FGF13: variants seen among roughly 807,000 people sequenced by gnomAD.
FGF13 encodes the protein fibroblast growth factor homologous factor 2.
FGF13 carries 2 observed loss-of-function variants against 19.5 expected under a neutral mutation model. The observed-to-expected ratio is 0.10, with a 90% confidence interval of 0.04 to 0.32. The LOEUF is 0.32. Ranked by LOEUF, FGF13 falls within the 10% of genes least tolerant of loss-of-function variation. The pLI is 1.00. For synonymous variants in FGF13, 72 were observed against 76.9 expected, an observed-to-expected ratio of 0.94 and a Z score of 0.33; for missense variants, 113 against 192.7, an observed-to-expected ratio of 0.59 and a Z score of 2.45.
At chrX:138,879,482 T>A (rs1163169996) in intron 1 of FGF13, among the ~76,000 whole-genome samples, 1 of 111,829 alleles carries the variant, frequency 8.9e-6, no homozygotes, top group East Asian at 2.8e-4. Context: ...AGTTTTATGG[T>A]TTTAGATCTT....
chrX:139,001,405 C>G (rs777958331), intron 1 of FGF13, among the ~76,000 whole-genome samples: 1 of 111,101 alleles, frequency 9.0e-6, no homozygotes, highest in African/African-American at 3.3e-5. Flanking sequence ...AGGCAACCTA[C>G]AGAATAGGAG....
intron 1 of FGF13, among the ~76,000 whole-genome samples, chrX:138,945,120 C>A (rs1228174136): frequency 9.1e-6 from 1 of 110,070 alleles, no homozygotes; most frequent in Admixed American, 9.7e-5. Flanking sequence ...CAAGGAGCAG[C>A]CTAGTAAAAG....
At chrX:138,673,347 T>C (rs924946792) in intron 3 of FGF13, among the ~76,000 whole-genome samples, 2 of 111,103 alleles carry the variant, frequency 1.8e-5, no homozygotes, top group African/African-American at 6.6e-5. Context: ...TGACCAGGCA[T>C]GTTATTTACG....
At chrX:139,193,496 A>G (rs1393528079) in intron 1 of FGF13, among the ~76,000 whole-genome samples, 1 of 111,556 alleles carries the variant, frequency 9.0e-6, no homozygotes, top group African/African-American at 3.3e-5. Context: ...GAAGTTAACC[A>G]TGAGATACAC....
chrX:139,015,593 A>T (rs59140651), intron 1 of FGF13, among the ~76,000 whole-genome samples: 1 of 111,768 alleles, frequency 8.9e-6, no homozygotes, highest in African/African-American at 3.2e-5. Context: ...TTCCATGTAC[A>T]TGGATTAGAA....
intron 1 of FGF13, among the ~76,000 whole-genome samples, chrX:139,185,406 T>C (rs1485998631): frequency 8.9e-6 from 1 of 112,304 alleles, no homozygotes; most frequent in Non-Finnish European, 1.9e-5. Flanking sequence ...GATCATATAA[T>C]CTAACTTTTG....
intron 1 of FGF13, among the ~76,000 whole-genome samples, chrX:139,054,944 T>C (rs193128345): frequency 9.6e-4 from 92 of 95,369 alleles, no homozygotes; most frequent in African/African-American, 3.9e-3. Context: ...ATTTTGCAGC[T>C]ATTGTAAAAG....
At chrX:139,076,313 C>T (rs1286456976) in intron 1 of FGF13, among the ~76,000 whole-genome samples, 1 of 112,044 alleles carries the variant, frequency 8.9e-6, no homozygotes, top group Non-Finnish European at 1.9e-5. Flanking sequence ...CTCTAATTAT[C>T]ACATGGTCAA....
chrX:138,901,043 T>C (rs2091529527), intron 1 of FGF13, among the ~76,000 whole-genome samples: 1 of 111,953 alleles, frequency 8.9e-6, no homozygotes. Context: ...CTGTGTTTCT[T>C]TAGAACATTG....
chrX:138,866,935 T>C (rs185837068), intron 1 of FGF13, among the ~76,000 whole-genome samples: 2 of 111,742 alleles, frequency 1.8e-5, no homozygotes, highest in Admixed American at 1.9e-4. Context: ...TATATACACA[T>C]GGAAACACAA....
rs774674924 is a variant in FGF13, at chrX:138,780,133, C to T, written c.218-71205G>A. ...AAATGCTGAGAGATTTTGTCACCAC[C>T]AGGCCTTCCCTAAAAGAGCTCCTGA... On this transcript the variant is annotated intron_variant, in intron 3 of 6. Transcript: ENST00000436198. Among the ~76,000 whole-genome samples the T allele has an allele frequency of 2.7e-4, 30 of 109,161 alleles. No homozygotes were observed. In the East Asian group the frequency reaches 7.8e-3, roughly 29 times the overall value. The allele number at this position is 109,161 out of a possible 115,157, so 94.8% of individuals were successfully genotyped here.
intron 3 of FGF13, among the ~76,000 whole-genome samples, chrX:138,774,068 C>G (rs1365449055): frequency 9.0e-6 from 1 of 111,594 alleles, no homozygotes; most frequent in African/African-American, 3.3e-5. Flanking sequence ...CTGTAAAGCT[C>G]TTGCCTCAGG....
intron 4 of FGF13, among the ~76,000 whole-genome samples, chrX:138,635,088 T>G (rs1224169286): frequency 1.8e-5 from 2 of 112,451 alleles, no homozygotes; most frequent in Non-Finnish European, 3.7e-5. Context: ...ATGATATCTT[T>G]TGCAGCAACT....
At chrX:138,993,547 T>A (rs1348843272) in intron 1 of FGF13, among the ~76,000 whole-genome samples, 8 of 111,377 alleles carry the variant, frequency 7.2e-5, no homozygotes, top group African/African-American at 2.6e-4. Flanking sequence ...GACAACAGAG[T>A]ACTCAAACCT....
chrX:138,703,658 T>C (rs1182229910), intron 2 of FGF13, among the ~76,000 whole-genome samples: 1 of 112,183 alleles, frequency 8.9e-6, no homozygotes, highest in Non-Finnish European at 1.9e-5. Context: ...CAAAATAAAT[T>C]CAGGTCTTGT....
intron 3 of FGF13, among the ~76,000 whole-genome samples, chrX:138,693,447 C>T (rs1397627980): frequency 2.7e-5 from 3 of 111,589 alleles, no homozygotes; most frequent in African/African-American, 6.5e-5. Flanking sequence ...ATTTTCTCTG[C>T]TTTTTTCCTG....
chrX:139,160,338 G>A (rs181753811), intron 1 of FGF13, among the ~76,000 whole-genome samples: 1 of 112,191 alleles, frequency 8.9e-6, no homozygotes, highest in East Asian at 2.8e-4. Context: ...CACAGCTAAA[G>A]CAGTGTTTAG....
intron 1 of FGF13, among the ~76,000 whole-genome samples, chrX:138,878,290 A>T (rs1289380063): frequency 3.2e-4 from 27 of 83,723 alleles, no homozygotes; most frequent in Admixed American, 5.1e-4. Flanking sequence ...TCCTAATGCT[A>T]TCCCTCCCCC....
intron 3 of FGF13, among the ~76,000 whole-genome samples, chrX:138,664,745 C>A (rs2089524054): frequency 9.1e-6 from 1 of 110,433 alleles, no homozygotes; most frequent in South Asian, 3.8e-4. Flanking sequence ...GCAGAAGGAC[C>A]AAGAAACAGA....
Sources: allele counts gnomAD v4.1 joint callset (sites outside exome capture counted in the v4.1 genomes callset), GRCh38; gene constraint gnomAD v4.1.1; transcripts MANE v1.5; gene names NCBI Gene and HGNC (gene_info 2026-07-23, HGNC 2026-07-21).